The following GRM7 variants were observed in gnomAD, a reference collection of about 807,000 sequenced individuals.
GRM7 encodes glutamate metabotropic receptor 7.
Under a neutral mutation model 84.5 loss-of-function variants are expected in GRM7, and 35 were observed. The observed-to-expected ratio is 0.41, with a 90% CI of 0.32 to 0.55. GRM7 has a LOEUF of 0.55. Among genes scored for constraint, GRM7 ranks in the 20% least tolerant of loss-of-function variants. The pLI is 0.19. For synonymous variants in GRM7, 487 were observed against 455.1 expected, an observed-to-expected ratio of 1.07 and a Z score of -0.89; for missense variants, 1,003 against 1,194.6, an observed-to-expected ratio of 0.84 and a Z score of 2.36.
intron 4 of GRM7, among the ~76,000 whole-genome samples, chr3:7,411,329 A>G (rs1172376533): frequency 1.3e-5 from 2 of 152,210 alleles, no homozygotes; most frequent in Non-Finnish European, 2.9e-5. Flanking sequence ...TATTATAGAA[A>G]TATAAAAGGG....
chr3:6,988,514 T>C (rs570730845), intron 1 of GRM7, among the ~76,000 whole-genome samples: 1 of 152,276 alleles, frequency 6.6e-6, no homozygotes, highest in African/African-American at 2.4e-5. Context: ...CTTAATGTTA[T>C]CCTTGTGATT....
At chr3:7,608,729 A>G (rs1447457899) in intron 8 of GRM7, among the ~76,000 whole-genome samples, 1 of 151,864 alleles carries the variant, frequency 6.6e-6, no homozygotes, top group African/African-American at 2.4e-5. Context: ...TTAGGTCCCA[A>G]TTGTCAGTTT....
At chr3:7,547,386 T>G (rs1206833149) in intron 7 of GRM7, among the ~76,000 whole-genome samples, 1 of 151,860 alleles carries the variant, frequency 6.6e-6, no homozygotes, top group Non-Finnish European at 1.5e-5. Context: ...TTTTGTATTT[T>G]TAGTAGAGAT....
At chr3:7,627,010 G>A (rs1306554362) in intron 8 of GRM7, among the ~76,000 whole-genome samples, 2 of 151,514 alleles carry the variant, frequency 1.3e-5, no homozygotes, top group African/African-American at 4.9e-5. Flanking sequence ...CTGATGGTTG[G>A]GTAGAAAAGA....
At chr3:6,950,590 C>A (rs1692710086) in intron 1 of GRM7, among the ~76,000 whole-genome samples, 2 of 152,212 alleles carry the variant, frequency 1.3e-5, no homozygotes, top group Non-Finnish European at 2.9e-5. Flanking sequence ...AACTGTCAGA[C>A]AGGGACATTT....
At chr3:6,914,048 G>A (rs1696861869) in intron 1 of GRM7, among the ~76,000 whole-genome samples, 2 of 151,978 alleles carry the variant, frequency 1.3e-5, no homozygotes, top group South Asian at 4.2e-4. Context: ...AATTACCTGT[G>A]GTACGAATTG....
intron 1 of GRM7, among the ~76,000 whole-genome samples, chr3:7,075,593 T>G (rs1698043989): frequency 6.6e-6 from 1 of 151,622 alleles, no homozygotes; most frequent in Non-Finnish European, 1.5e-5. Flanking sequence ...TGGCATGATC[T>G]CAGCTTACTG....
intron 7 of GRM7, among the ~76,000 whole-genome samples, chr3:7,577,334 G>T (rs1004208699): frequency 6.6e-6 from 1 of 152,148 alleles, no homozygotes; most frequent in African/African-American, 2.4e-5. Flanking sequence ...ATTGTAACAA[G>T]TCCATATGAT....
At chr3:7,652,417 T>C (rs1312915702) in intron 8 of GRM7, among the ~76,000 whole-genome samples, 1 of 152,162 alleles carries the variant, frequency 6.6e-6, no homozygotes. Context: ...GAGCATTTGT[T>C]CAATAAACAG....
At chr3:7,124,277 G>A (rs1261404570) in intron 1 of GRM7, among the ~76,000 whole-genome samples, 4 of 152,174 alleles carry the variant, frequency 2.6e-5, no homozygotes, top group Non-Finnish European at 4.4e-5. Flanking sequence ...CAAATGTGGA[G>A]CATAGCATGC....
intron 2 of GRM7, among the ~76,000 whole-genome samples, chr3:7,246,237 A>C (rs1218260126): frequency 6.6e-6 from 1 of 152,164 alleles, no homozygotes; most frequent in East Asian, 1.9e-4. Flanking sequence ...AAGACAGATG[A>C]AACATCAGCT....
chr3:7,000,884 A>G (rs1264965288), intron 1 of GRM7, among the ~76,000 whole-genome samples: 1 of 152,198 alleles, frequency 6.6e-6, no homozygotes, highest in Non-Finnish European at 1.5e-5. Flanking sequence ...AGACAATGGG[A>G]CAGAGATGTG....
intron 8 of GRM7, among the ~76,000 whole-genome samples, chr3:7,648,674 A>C (rs1698778048): frequency 6.6e-6 from 1 of 151,802 alleles, no homozygotes; most frequent in African/African-American, 2.4e-5. Context: ...AAAAGGATCA[A>C]GAAGAGGCCA....
intron 8 of GRM7, among the ~76,000 whole-genome samples, chr3:7,639,683 A>G (rs771070865): frequency 6.6e-6 from 1 of 152,148 alleles, no homozygotes; most frequent in African/African-American, 2.4e-5. Context: ...TGAAAAATAC[A>G]TGTAATATAT....
At chr3:7,663,920 C>T (rs965927279) in intron 8 of GRM7, among the ~76,000 whole-genome samples, 1 of 152,196 alleles carries the variant, frequency 6.6e-6, no homozygotes, top group African/African-American at 2.4e-5. Context: ...ACACCAGAGA[C>T]ATGTCTGTTA....
At position 7,306,870 on chromosome 3, in the gene GRM7, G is replaced by A. The variant is rs549905252; in HGVS notation, c.1033+218G>A. The stretch of plus-strand genomic sequence containing the variant: ...GATCATATTATTTTCATAATATCAC[G>A]ATTAGCAAAAACATTCTTTCTTTTT... On this transcript the variant is annotated intron_variant, in intron 4 of 9. Transcript: ENST00000357716. 5.3e-5 allele frequency among the ~76,000 whole-genome samples: 8 copies of A among 152,178 alleles called. No individual in the cohort carries two copies. In the East Asian group the frequency reaches 1.2e-3, roughly 22 times the overall value.
intron 5 of GRM7, among the ~76,000 whole-genome samples, chr3:7,444,965 CA>C (rs35772373): frequency 6.6e-6 from 1 of 152,148 alleles, no homozygotes. Flanking sequence ...CAATTGCAAT[CA>C]AATTTTGGTC....
chr3:7,065,463 A>G (rs1281886380), intron 1 of GRM7, among the ~76,000 whole-genome samples: 1 of 151,608 alleles, frequency 6.6e-6, no homozygotes, highest in African/African-American at 2.4e-5. Flanking sequence ...TCCCCACTTT[A>G]TGTTTTTGTT....
intron 6 of GRM7, among the ~76,000 whole-genome samples, chr3:7,458,619 C>G (rs182384414): frequency 6.6e-6 from 1 of 152,004 alleles, no homozygotes; most frequent in Non-Finnish European, 1.5e-5. Flanking sequence ...GTGACAAGAC[C>G]GTTTCTTCTA....
Sources: gnomAD v4.1 joint callset for allele counts (sites outside exome capture counted in the v4.1 genomes callset) on GRCh38, gnomAD v4.1.1 for gene constraint, MANE v1.5 for transcripts, NCBI Gene and HGNC (gene_info 2026-07-23, HGNC 2026-07-21) for gene names.